NEMP1: variants seen among roughly 807,000 people sequenced by gnomAD.
The protein encoded by NEMP1 is nuclear envelope integral membrane protein 1, also known as transmembrane protein 194.
NEMP1 carries 29 observed loss-of-function variants against 53.7 expected under a neutral mutation model. The ratio of observed to expected loss-of-function variants is 0.54; its 90% CI spans 0.40 to 0.74. The LOEUF (loss-of-function observed/expected upper bound fraction) is 0.74. Ranked by LOEUF, NEMP1 falls within the 30% of genes least tolerant of loss-of-function variation. The probability of loss-of-function intolerance (pLI) is 0.00; values close to 1 mark genes in which losing one functional copy is unlikely to be tolerated. For missense variants in NEMP1, 477 were observed against 528.6 expected, an observed-to-expected ratio of 0.90 and a Z score of 0.96; for synonymous variants, 193 against 192.9, an observed-to-expected ratio of 1.00 and a Z score of 0.00.
At chr12:57,087,035 C>A (rs907597803) in intron 1 of NEMP1, among the ~76,000 whole-genome samples, 1 of 152,174 alleles carries the variant, frequency 6.6e-6, no homozygotes, top group Non-Finnish European at 1.5e-5. Context: ...CCCGGACCCC[C>A]GCTGGCTCCC....
chr12:57,076,312 C>T (rs1592517520), intron 1 of NEMP1, among the ~76,000 whole-genome samples: 1 of 152,042 alleles, frequency 6.6e-6, no homozygotes, highest in East Asian at 1.9e-4. Context: ...TTACAGTGAG[C>T]TATGATTGTG....
At chr12:57,060,725 G>T in intron 8 of NEMP1, 47 bp downstream of exon 8, 1 of 1,557,354 alleles carries the variant, frequency 6.4e-7, no homozygotes, top group Non-Finnish European at 8.7e-7. Context: ...TAGAACTCAA[G>T]GTCACAATTA....
upstream of NEMP1, among the ~76,000 whole-genome samples, chr12:57,080,733 A>T (rs2032823897): frequency 6.6e-6 from 1 of 152,072 alleles, no homozygotes; most frequent in Non-Finnish European, 1.5e-5. Context: ...TCTAATAAAA[A>T]TACAAAAATT....
Position 57,060,044 on chromosome 12 carries a change from C to T in NEMP1, c.1170G>A (p.Val390=). Residue 390 remains valine (V), a synonymous_variant, in exon 9 of 9, where the codon GTG becomes GTA. Transcript: ENST00000300128. ...IQSPKRFADF[V]EGSSHLTPNE... ...TTGGCGTGAGGTGGGAAGAGCCTTCCACAAAGTCAGCAAATCTGGAAAAGA... is the reference window on the plus strand; with the variant it reads ...TTGGCGTGAGGTGGGAAGAGCCTTCTACAAAGTCAGCAAATCTGGAAAAGA... The T allele has an allele frequency of 6.2e-7, 1 of 1,613,814 alleles. No individual in the cohort carries two copies. Among genetic ancestry groups the T allele is most frequent in the Non-Finnish European group, 8.5e-7 (1 of 1,179,862 alleles).
rs2031513372 is a variant in NEMP1 at position 57,056,150 on chromosome 12, A to C, written c.*3729T>G. 6.6e-6 allele frequency: 1 copy of C among 152,218 alleles called. No individual in the cohort carries two copies. The highest frequency in any genetic ancestry group is 1.5e-5 in the Non-Finnish European group (1 of 68,032). 9.4% of individuals were successfully genotyped at this position (152,218 alleles called of 1,614,324 possible). On this transcript the variant is annotated 3_prime_UTR_variant, in exon 9 of 9. Coordinates refer to ENST00000300128, the MANE Select transcript of NEMP1 (RefSeq NM_001130963.2). ...ACTCCCATCTGCCACTAAAGCTACG[A>C]GTTGGTGTTGGCATGAATCTGCTTT...
At chr12:57,084,180 T>C (rs2032928492) in intron 1 of NEMP1, among the ~76,000 whole-genome samples, 1 of 152,212 alleles carries the variant, frequency 6.6e-6, no homozygotes, top group African/African-American at 2.4e-5. Flanking sequence ...CCGGCTTGTC[T>C]TGGACTCCTG....
At chr12:57,062,245 T>C (rs1190456162) in intron 7 of NEMP1, among the ~76,000 whole-genome samples, 1 of 152,024 alleles carries the variant, frequency 6.6e-6, no homozygotes, top group Non-Finnish European at 1.5e-5. Flanking sequence ...TTTGTGGGGC[T>C]GAGGTGGGCA....
At chr12:57,075,310 C>T (rs781438337) in intron 1 of NEMP1, among the ~76,000 whole-genome samples, 49 of 149,788 alleles carry the variant, frequency 3.3e-4, no homozygotes, top group Middle Eastern at 7.0e-3. Context: ...ATGGCATGAA[C>T]CCGGGAAGTG....
In NEMP1 at chr12:57,064,723, A is replaced by G. The variant is rs753126929; in HGVS notation, c.562T>C (p.Tyr188His). ...ATTCCCACAGTCATCCCAGTAGAGT[A>G]GTAGAAAATTTGACTTCTGCAGGAA... is the stretch of plus-strand genomic sequence containing the variant. Reference protein sequence around the residue: ...DLLSRSQIFYYSTGMTVGIVA... With the variant: ...DLLSRSQIFYHSTGMTVGIVA... The change falls in exon 5 of 9, where the codon TAC becomes CAC. Residue 188 changes from tyrosine to histidine, a missense_variant. Physicochemically the swap from Tyr to His is moderately conservative, Grantham distance 83 (BLOSUM62 2). Coordinates refer to ENST00000300128, the MANE Select transcript of NEMP1 (RefSeq NM_001130963.2). The G allele has an allele frequency of 1.9e-6, 3 of 1,612,322 alleles. No individual in the cohort carries two copies. Among genetic ancestry groups the G allele is most frequent in the Admixed American group, 1.7e-5 (1 of 59,674 alleles).
chr12:57,056,638 C>G lies in NEMP1; in HGVS notation c.*3241G>C, dbSNP rs1464971770. Reference sequence around the variant, plus strand: ...AAGTTATGAGTACACAGCTAGGAACCATTTTTACGTAGGCATCCATCTGAG... The same window carrying G: ...AAGTTATGAGTACACAGCTAGGAACGATTTTTACGTAGGCATCCATCTGAG... On this transcript the variant is annotated 3_prime_UTR_variant, in exon 9 of 9. Transcript: ENST00000300128. The G allele has an allele frequency of 2.0e-5, 3 of 151,996 alleles. No individual in the cohort carries two copies. Among genetic ancestry groups the G allele is most frequent in the Admixed American group, 2.0e-4 (3 of 15,252 alleles). 9.4% of individuals were successfully genotyped at this position (151,996 alleles called of 1,614,324 possible). A position where few individuals can be genotyped will look rare whatever the true frequency, so the allele number is the denominator to read the frequency against.
chr12:57,076,870 GAT>G, intron 1 of NEMP1, among the ~76,000 whole-genome samples: 4 of 145,062 alleles, frequency 2.8e-5, no homozygotes, highest in East Asian at 4.5e-4. Flanking sequence ...GGGAGGCTGA[GAT>G]GGGAGAATGG....
At position 57,056,833 on chromosome 12, in the gene NEMP1, A is replaced by T. The variant is rs2031547428; in HGVS notation, c.*3046T>A. 6.6e-6 allele frequency: 1 copy of T among 152,242 alleles called. No homozygotes were observed. The allele number at this position is 152,242 out of a possible 1,614,324, so 9.4% of individuals were successfully genotyped here. ...GCCAAGGGTTAAAGGGAACACCATCAGTCAAGAGACGGCTGGGCCCTAGAA... is the reference window on the plus strand; with the variant it reads ...GCCAAGGGTTAAAGGGAACACCATCTGTCAAGAGACGGCTGGGCCCTAGAA... On this transcript the variant is annotated 3_prime_UTR_variant, in exon 9 of 9. Coordinates refer to ENST00000300128, the MANE Select transcript of NEMP1 (RefSeq NM_001130963.2).
intron 8 of NEMP1, among the ~76,000 whole-genome samples, chr12:57,060,300 C>T (rs1270509887): frequency 2.0e-5 from 3 of 152,190 alleles, no homozygotes; most frequent in Non-Finnish European, 4.4e-5. Flanking sequence ...AAGCACTTGC[C>T]TATCCTTTCT....
chr12:57,077,132 A>G (rs2136518468), intron 1 of NEMP1, among the ~76,000 whole-genome samples: 1 of 152,050 alleles, frequency 6.6e-6, no homozygotes, highest in Non-Finnish European at 1.5e-5. Flanking sequence ...GGAGATCAAG[A>G]CCATCCTGGC....
At position 57,064,676 on chromosome 12, in the gene NEMP1, G is replaced by A. The variant is rs756657657; in HGVS notation, c.609C>T (p.Ile203=). 6 of 1,612,646 alleles carry A rather than the reference G, an allele frequency of 3.7e-6. No individual in the cohort carries two copies. Among genetic ancestry groups the A allele is most frequent in the Non-Finnish European group, 5.1e-6 (6 of 1,179,270 alleles). ...GCATAAACTTAGATAGTATAAAAAT[G>A]ATGATTAGCAGAGAGGCCACAATTC... ...TVGIVASLLI[I]IFILSKFMPK... The change falls in exon 5 of 9, where the codon ATC becomes ATT. Residue 203 remains isoleucine, a synonymous_variant. Transcript: ENST00000300128.
chr12:57,078,856 T>G, upstream of NEMP1: 1 of 1,268,802 alleles, frequency 7.9e-7, no homozygotes, highest in Non-Finnish European at 1.1e-6. Context: ...ACCAATGGGA[T>G]GGGCAGGGCT....
At chr12:57,072,373 G>C (rs1257500883) in intron 2 of NEMP1, among the ~76,000 whole-genome samples, 1 of 152,172 alleles carries the variant, frequency 6.6e-6, no homozygotes, top group East Asian at 1.9e-4. Flanking sequence ...CCGGGAGGCA[G>C]AGATTGCAGT....
chr12:57,069,142 G>A, intron 4 of NEMP1, 92 bp downstream of exon 4: 2 of 797,762 alleles, frequency 2.5e-6, no homozygotes, highest in Non-Finnish European at 3.7e-6. Context: ...AAAGGTCCTG[G>A]AAATGGGAAT....
At chr12:57,087,354 G>A (rs1723790028) in intron 1 of NEMP1, among the ~76,000 whole-genome samples, 3 of 151,964 alleles carry the variant, frequency 2.0e-5, no homozygotes, top group Non-Finnish European at 4.4e-5. Flanking sequence ...GGCGGAGGAT[G>A]TGCGTCACGG....
Sources: allele counts gnomAD v4.1 joint callset (sites outside exome capture counted in the v4.1 genomes callset), GRCh38; gene constraint gnomAD v4.1.1; transcripts MANE v1.5; gene names NCBI Gene and HGNC (gene_info 2026-07-23, HGNC 2026-07-21).